The following HMCN1 variants were observed in gnomAD, a reference collection of about 807,000 sequenced individuals.
HMCN1 encodes the protein hemicentin-1.
Under a neutral mutation model 625.9 loss-of-function variants are expected in HMCN1, and 321 were observed. The ratio of observed to expected loss-of-function variants is 0.51; its 90% CI spans 0.47 to 0.56. The LOEUF is 0.56. Ranked by LOEUF, HMCN1 falls within the 20% of genes least tolerant of loss-of-function variation. The pLI, the probability that HMCN1 is intolerant of heterozygous loss-of-function variation, is 0.00. For missense variants in HMCN1, 6,588 were observed against 6,887.3 expected, an observed-to-expected ratio of 0.96 and a Z score of 1.54; for synonymous variants, 2,425 against 2,417.6, an observed-to-expected ratio of 1.00 and a Z score of -0.09.
intron 17 of HMCN1, among the ~76,000 whole-genome samples, 168 bp downstream of exon 17, chr1:185,981,241 C>T (rs1651611089): frequency 6.6e-6 from 1 of 151,936 alleles, no homozygotes; most frequent in Non-Finnish European, 1.5e-5. Flanking sequence ...AATGTTAGTC[C>T]TGGAAATAAC....
intron 97 of HMCN1, among the ~76,000 whole-genome samples, chr1:186,164,210 G>C (rs962522861): frequency 8.0e-5 from 12 of 149,624 alleles, no homozygotes; most frequent in Admixed American, 4.0e-4. Flanking sequence ...GTTCTTGTTA[G>C]CTTTTTTGTT....
rs376814240 is a variant in HMCN1 at position 186,039,794 on chromosome 1, A to G, written c.6095A>G (p.Glu2032Gly). ...AVVVNNPVRL[E>G]CEARGIPAPS... The stretch of plus-strand genomic sequence containing the variant: ...GTGGTTAATAACCCGGTGAGGTTAG[A>G]ATGTGAAGCCAGAGGTATTCCTGCC... The change falls in exon 39 of 107, where the codon GAA (glutamate) becomes GGA (glycine). Residue 2032 changes from glutamate (E) to glycine (G), a missense_variant. Around this residue, in one of 3 missense-constraint regions of HMCN1, gnomAD observed 4,628 missense variants for 4,853.1 expected, o/e 0.95. Transcript: ENST00000271588. 6.2e-7 allele frequency: 1 copy of G among 1,613,568 alleles called. No individual in the cohort carries two copies. Among genetic ancestry groups the G allele is most frequent in the Non-Finnish European group, 8.5e-7 (1 of 1,179,642 alleles).
chr1:186,137,311 G>A (rs1022013231), intron 87 of HMCN1, among the ~76,000 whole-genome samples, 187 bp from the exon 88 acceptor site: 19 of 152,204 alleles, frequency 1.2e-4, no homozygotes, highest in African/African-American at 4.1e-4. Context: ...GATCTGAGAA[G>A]AAACTTTGGC....
rs746290979 is a variant in HMCN1 at position 186,065,303 on chromosome 1, C to G, written c.7579C>G (p.His2527Asp). The G allele has an allele frequency of 1.9e-6, 3 of 1,612,692 alleles. No individual in the cohort carries two copies. In the South Asian group the frequency reaches 3.3e-5, roughly 18 times the overall value. ...GCCCCTCCAAGAAGATGAAGCCCAT[C>G]ACATTATATCTGGTGGCCGTTTTCT... is the stretch of plus-strand genomic sequence containing the variant. ...GQPLQEDEAH[H>D]IISGGRFLQI... The change falls in exon 49 of 107, where the codon CAC (histidine) becomes GAC (aspartate). Residue 2527 changes from histidine to aspartate, a missense_variant. Physicochemically the swap from His to Asp is moderately conservative, Grantham distance 81. Around this residue, in one of 3 missense-constraint regions of HMCN1, gnomAD observed 4,628 missense variants for 4,853.1 expected, o/e 0.95. Transcript: ENST00000271588.
chr1:186,052,853 C>T, intron 42 of HMCN1, 99 bp from the exon 43 acceptor site: 2 of 1,018,132 alleles, frequency 2.0e-6, no homozygotes, highest in East Asian at 2.4e-5. Context: ...CAATTTCTTC[C>T]TTATGTCATT....
chr1:185,951,243 G>A (rs1484511363), intron 11 of HMCN1, among the ~76,000 whole-genome samples: 1 of 151,128 alleles, frequency 6.6e-6, no homozygotes, highest in African/African-American at 2.4e-5. Context: ...CAGGGAAGCA[G>A]ATAATTTAGT....
chr1:186,112,966 A>T lies in HMCN1; in HGVS notation c.11131+13A>T. On this transcript the variant is annotated intron_variant, in intron 72 of 106. Coordinates refer to ENST00000271588, the MANE Select transcript of HMCN1 (RefSeq NM_031935.3). ...CTCACTGTAAATGGTAAGAAAAGGTATTCATTGTTCCACAATTTAAAAATC... is the reference window on the plus strand; with the variant it reads ...CTCACTGTAAATGGTAAGAAAAGGTTTTCATTGTTCCACAATTTAAAAATC... 2 of 1,613,638 alleles carry T rather than the reference A, an allele frequency of 1.2e-6. No individual in the cohort carries two copies. The highest frequency in any genetic ancestry group is 2.2e-5 in the South Asian group (2 of 91,066).
chr1:185,917,579 G>T (rs1313971058), intron 6 of HMCN1, among the ~76,000 whole-genome samples: 1 of 152,096 alleles, frequency 6.6e-6, no homozygotes, highest in Non-Finnish European at 1.5e-5. Flanking sequence ...CTGGTCTGAG[G>T]AATATCTAAG....
intron 93 of HMCN1, among the ~76,000 whole-genome samples, chr1:186,150,903 CTTTATT>C (rs1225937537): frequency 3.3e-5 from 5 of 151,562 alleles, no homozygotes; most frequent in South Asian, 2.1e-4. Context: ...CCAACATATT[CTTTATT>C]TTTAGTTTGG....
chr1:186,074,943 T>G (rs371270993), intron 53 of HMCN1, 52 bp downstream of exon 53: 213 of 1,432,888 alleles, frequency 1.5e-4, no homozygotes, highest in Non-Finnish European at 2.0e-4. Context: ...TCTTTCAAAG[T>G]AAAAGAAAAG....
chr1:185,891,379 G>A (rs1307295894), intron 4 of HMCN1, among the ~76,000 whole-genome samples: 21 of 147,464 alleles, frequency 1.4e-4, no homozygotes, highest in Admixed American at 3.3e-4. Context: ...TATTTTGCTC[G>A]TTAGTTGATG....
intron 1 of HMCN1, among the ~76,000 whole-genome samples, chr1:185,808,823 A>G (rs562487331): frequency 6.6e-6 from 1 of 152,302 alleles, no homozygotes; most frequent in Non-Finnish European, 1.5e-5. Context: ...TATTAATAAT[A>G]TGATGGCATT....
intron 18 of HMCN1, 150 bp from the exon 19 acceptor site, chr1:185,984,019 A>G (rs1651837868): frequency 1.6e-6 from 1 of 631,068 alleles, no homozygotes; most frequent in East Asian, 2.7e-5. Context: ...GGTAACATTT[A>G]TGCTCATCGT....
chr1:185,960,121 ATTC>A (rs1340771142), intron 11 of HMCN1, among the ~76,000 whole-genome samples: 2 of 135,768 alleles, frequency 1.5e-5, no homozygotes, highest in East Asian at 2.1e-4. Flanking sequence ...CAGCAGGAAT[ATTC>A]TTTTTTTTTT....
rs756249265 is a variant in HMCN1, at chr1:185,925,151, G to C, written c.1390G>C (p.Val464Leu). 3.1e-6 allele frequency: 5 copies of C among 1,613,926 alleles called. No individual in the cohort carries two copies. Among genetic ancestry groups the C allele is most frequent in the Admixed American group, 1.7e-5 (1 of 59,992 alleles). The stretch of plus-strand genomic sequence containing the variant: ...TCTTTTGCCCTTTACCTTGAGCTTT[G>C]TCAGAAATGGAGTTACACTTGGAGT... The part of the protein sequence containing the change: ...DSLLPFTLSF[V>L]RNGVTLGVDQ... The change falls in exon 9 of 107, where the codon GTC (valine) becomes CTC (leucine). Residue 464 changes from valine to leucine, a missense_variant. Coordinates refer to ENST00000271588, the MANE Select transcript of HMCN1 (RefSeq NM_031935.3).
At chr1:185,791,711 C>T (rs1489748918) in intron 1 of HMCN1, among the ~76,000 whole-genome samples, 1 of 151,248 alleles carries the variant, frequency 6.6e-6, no homozygotes, top group Non-Finnish European at 1.5e-5. Flanking sequence ...AACAGAGCAA[C>T]TCCATCTCAA....
chr1:186,132,798 C>G (rs983528187), intron 86 of HMCN1, among the ~76,000 whole-genome samples: 4 of 151,992 alleles, frequency 2.6e-5, no homozygotes, highest in Non-Finnish European at 5.9e-5. Context: ...TACCTCCCCC[C>G]ACCCCCCACA....
chr1:185,796,144 T>C (rs1364833384), intron 1 of HMCN1, among the ~76,000 whole-genome samples: 1 of 152,166 alleles, frequency 6.6e-6, no homozygotes, highest in African/African-American at 2.4e-5. Flanking sequence ...AGGATGTGGT[T>C]TGAGGATGAA....
intron 97 of HMCN1, among the ~76,000 whole-genome samples, chr1:186,164,671 A>G (rs2102617079): frequency 6.6e-6 from 1 of 152,252 alleles, no homozygotes; most frequent in East Asian, 1.9e-4. Context: ...GAGATCCACA[A>G]AAGGAGGGAG....
Sources: allele counts gnomAD v4.1 joint callset (sites outside exome capture counted in the v4.1 genomes callset), GRCh38; gene constraint gnomAD v4.1.1; regional missense constraint gnomAD v4.1.1; transcripts MANE v1.5; gene names NCBI Gene and HGNC (gene_info 2026-07-23, HGNC 2026-07-21).